The following HNRNPF variants were observed in gnomAD, a reference collection of about 807,000 sequenced individuals.
HNRNPF encodes the protein heterogeneous nuclear ribonucleoprotein F, also known as HnRNP F protein.
Under a neutral mutation model 26.0 loss-of-function variants are expected in HNRNPF, and 2 were observed. That is an observed-to-expected ratio of 0.08 (90% confidence interval 0.03 to 0.24). HNRNPF has a LOEUF of 0.24. Ranked by LOEUF, HNRNPF falls within the 10% of genes least tolerant of loss-of-function variation. HNRNPF has a pLI of 1.00. For synonymous variants in HNRNPF, 234 were observed against 211.5 expected (o/e 1.11, Z -0.92); for missense variants, 299 against 539.2 (o/e 0.55, Z 4.41).
intron 1 of HNRNPF, chr10:43,397,476 G>A (rs2131980617): frequency 6.6e-6 from 1 of 150,830 alleles, no homozygotes; most frequent in African/African-American, 2.4e-5. Flanking sequence ...CGCGACCTGG[G>A]GAAAGTCCAG....
intron 1 of HNRNPF, among the ~76,000 whole-genome samples, chr10:43,406,249 C>T (rs963095478): frequency 2.0e-5 from 3 of 152,226 alleles, no homozygotes; most frequent in Non-Finnish European, 4.4e-5. Context: ...CATCTACCCC[C>T]ACCGGGCTCT....
chr10:43,401,408 C>A (rs1337536905), intron 1 of HNRNPF, among the ~76,000 whole-genome samples: 1 of 152,196 alleles, frequency 6.6e-6, no homozygotes, highest in East Asian at 1.9e-4. Context: ...TCTGACCGAT[C>A]ATAAAACAAG....
At chr10:43,397,185 C>T (rs1487056361) in intron 1 of HNRNPF, 1 of 152,090 alleles carries the variant, frequency 6.6e-6, no homozygotes, top group Non-Finnish European at 1.5e-5. Flanking sequence ...GGCGGCTCAC[C>T]ACGCCAGGGA....
chr10:43,386,551 C>G lies in HNRNPF; in HGVS notation c.*86G>C, dbSNP rs1265484215. The stretch of plus-strand genomic sequence containing the variant: ...CAAACTCATGGTGCAAAATGGGTCC[C>G]CCAGCTTCCTCTATTATAACTGCTC... On this transcript the variant is annotated 3_prime_UTR_variant, in exon 4 of 4. Transcript: ENST00000682386. 8 of 1,295,932 alleles carry G rather than the reference C, an allele frequency of 6.2e-6. No homozygotes were observed. Among genetic ancestry groups the G allele is most frequent in the Non-Finnish European group, 8.2e-6 (8 of 972,112 alleles). The allele number at this position is 1,295,932 out of a possible 1,614,324, so 80.3% of individuals were successfully genotyped here.
intron 3 of HNRNPF, among the ~76,000 whole-genome samples, chr10:43,392,735 T>C (rs538049207): frequency 6.6e-6 from 1 of 152,160 alleles, no homozygotes; most frequent in African/African-American, 2.4e-5. Flanking sequence ...CCATTAACTG[T>C]AGGGAATCAG....
chr10:43,397,037 C>G (rs1838566501), intron 1 of HNRNPF: 2 of 151,188 alleles, frequency 1.3e-5, no homozygotes, highest in Non-Finnish European at 2.9e-5. Flanking sequence ...CTCGGGGACC[C>G]GCGGGCCGAG....
intron 3 of HNRNPF, among the ~76,000 whole-genome samples, chr10:43,390,118 A>G (rs1838184912): frequency 6.6e-6 from 1 of 152,222 alleles, no homozygotes; most frequent in Non-Finnish European, 1.5e-5. Context: ...GCAAGGTCAC[A>G]GCAGATTCTT....
chr10:43,407,030 A>C (rs1264757657), intron 1 of HNRNPF, among the ~76,000 whole-genome samples: 1 of 152,222 alleles, frequency 6.6e-6, no homozygotes, highest in African/African-American at 2.4e-5. Flanking sequence ...TTTTCATCTT[A>C]CTAGGAATTC....
intron 1 of HNRNPF, among the ~76,000 whole-genome samples, chr10:43,403,633 G>A (rs1838821115): frequency 6.6e-6 from 1 of 152,186 alleles, no homozygotes; most frequent in African/African-American, 2.4e-5. Context: ...TCATACTGAT[G>A]TATCAATGGA....
At position 43,387,962 on chromosome 10, in the gene HNRNPF, A is replaced by G; in HGVS notation, c.-52-26T>C. ...CTGGAAAAAAAAAAAAGAAAAATTT[A>G]TTTAGTATGCAACAGAAATTTTCCC... On this transcript the variant is annotated intron_variant, in intron 3 of 3. Coordinates refer to ENST00000682386, the MANE Select transcript of HNRNPF (RefSeq NM_001098204.2). The surrounding 1 kb of genome is among the most constrained non-coding windows in gnomAD (Gnocchi z 6.0). The G allele has an allele frequency of 8.0e-7, 1 of 1,252,312 alleles. No individual in the cohort carries two copies. The highest frequency in any genetic ancestry group is 1.1e-6 in the Non-Finnish European group (1 of 901,550). 77.6% of individuals were successfully genotyped at this position (1,252,312 alleles called of 1,614,324 possible). A position where few individuals can be genotyped will look rare whatever the true frequency, so the allele number is the denominator to read the frequency against.
At chr10:43,397,619 G>T (rs1331635180) in intron 1 of HNRNPF, among the ~76,000 whole-genome samples, 1 of 152,074 alleles carries the variant, frequency 6.6e-6, no homozygotes, top group Non-Finnish European at 1.5e-5. Context: ...TTTGACCATG[G>T]ACACACGTAA....
intron 1 of HNRNPF, among the ~76,000 whole-genome samples, chr10:43,397,562 G>A (rs1838596115): frequency 1.3e-5 from 2 of 152,196 alleles, no homozygotes; most frequent in African/African-American, 4.8e-5. Flanking sequence ...CCCTCTCTGG[G>A]AGGCCGCCTC....
At chr10:43,399,037 TC>T (rs141398296) in intron 1 of HNRNPF, among the ~76,000 whole-genome samples, 2,187 of 152,330 alleles carry the variant, frequency 0.014, 49 homozygotes, top group African/African-American at 0.05. Flanking sequence ...GTTTTAGAAA[TC>T]CATCTTGAAA....
In HNRNPF at chr10:43,405,238, T is replaced by C. The variant is rs188200164; in HGVS notation, c.-247+3893A>G. 5.5e-4 allele frequency among the ~76,000 whole-genome samples: 84 copies of C among 152,382 alleles called. 2 individuals are homozygous for C. Among genetic ancestry groups the C allele is most frequent in the African/African-American group, 2.0e-3 (82 of 41,592 alleles). ...CATGTTTCCTTTTACCACTAAAGAA[T>C]ATAAGATTACATTTATAGCATACAT... On this transcript the variant is annotated intron_variant, in intron 1 of 3. Coordinates refer to ENST00000682386, the MANE Select transcript of HNRNPF (RefSeq NM_001098204.2).
rs111668115 is a variant in HNRNPF at position 43,390,941 on chromosome 10, C to T, written c.-52-3005G>A. On this transcript the variant is annotated intron_variant, in intron 3 of 3. Transcript: ENST00000682386. ...ACCCTCCACCTCCAGTTCTGACAAC[C>T]GAATGTCTCCAGACATTCCCAAATG... Among the ~76,000 whole-genome samples the T allele has an allele frequency of 4.8e-3, 733 of 152,136 alleles. 6 individuals carry two copies. The highest frequency in any genetic ancestry group is 8.0e-3 in the Non-Finnish European group (544 of 68,006).
chr10:43,404,903 C>G (rs527905186), intron 1 of HNRNPF, among the ~76,000 whole-genome samples: 7 of 152,272 alleles, frequency 4.6e-5, no homozygotes, highest in Middle Eastern at 3.4e-3. Context: ...AACAGACACT[C>G]AAAGACCACC....
chr10:43,405,793 T>C (rs180814142), intron 1 of HNRNPF, among the ~76,000 whole-genome samples: 50 of 152,330 alleles, frequency 3.3e-4, no homozygotes, highest in Admixed American at 7.2e-4. Flanking sequence ...TATTTATTAA[T>C]AAAGACCTTA....
chr10:43,388,966 A>ATT (rs141503011), intron 3 of HNRNPF, among the ~76,000 whole-genome samples: 63 of 127,038 alleles, frequency 5.0e-4, no homozygotes, highest in East Asian at 1.6e-3. Context: ...AGTATATGGA[A>ATT]TTTTTTTTTT....
chr10:43,400,513 T>A (rs1488372600), intron 1 of HNRNPF, among the ~76,000 whole-genome samples: 1 of 152,212 alleles, frequency 6.6e-6, no homozygotes, highest in East Asian at 1.9e-4. Flanking sequence ...ATATTTGTTA[T>A]GGATGTTTTC....
Sources: gnomAD v4.1 joint callset for allele counts (sites outside exome capture counted in the v4.1 genomes callset) on GRCh38, gnomAD v4.1.1 for gene constraint, Gnocchi (gnomAD v3.1) non-coding constraint, MANE v1.5 for transcripts, NCBI Gene and HGNC (gene_info 2026-07-23, HGNC 2026-07-21) for gene names.